PRKCE: variants seen among roughly 807,000 people sequenced by gnomAD.
PRKCE encodes the protein protein kinase C epsilon, also known as protein kinase C epsilon type.
In PRKCE, 16 loss-of-function variants were observed where a neutral mutation model predicts 85.4. That is an observed-to-expected ratio of 0.19 (90% CI 0.13 to 0.28). The LOEUF is 0.28. PRKCE is among the 10% of genes least tolerant of loss of function. PRKCE has a pLI of 1.00. For missense variants in PRKCE, 573 were observed against 975.2 expected (o/e 0.59, Z 5.49); for synonymous variants, 388 against 371.5 (o/e 1.04, Z -0.51).
intron 10 of PRKCE, among the ~76,000 whole-genome samples, chr2:46,045,973 A>G (rs1708499159): frequency 6.6e-6 from 1 of 152,224 alleles, no homozygotes; most frequent in South Asian, 2.1e-4. Flanking sequence ...GAACTGAGTC[A>G]GCAGGTGAGA....
At chr2:45,949,574 C>CATAGTTGGTGTTTGCTTT (rs1700481356) in intron 2 of PRKCE, among the ~76,000 whole-genome samples, 1 of 151,546 alleles carries the variant, frequency 6.6e-6, no homozygotes, top group Non-Finnish European at 1.5e-5. Flanking sequence ...TTTTAATGAT[C>CATAGTTGGTGTTTGCTTT]ATAGTTGGTG....
chr2:45,798,900 G>A (rs1439387976), intron 1 of PRKCE, among the ~76,000 whole-genome samples: 1 of 151,940 alleles, frequency 6.6e-6, no homozygotes, highest in Non-Finnish European at 1.5e-5. Context: ...GGGCACGGTG[G>A]CTCACGCCTA....
intron 2 of PRKCE, among the ~76,000 whole-genome samples, chr2:45,928,910 G>A (rs1250354669): frequency 6.6e-6 from 1 of 152,178 alleles, no homozygotes; most frequent in African/African-American, 2.4e-5. Context: ...GGGAGTCTGG[G>A]GGCCCCTCTG....
At chr2:45,737,064 C>T (rs1682130686) in intron 1 of PRKCE, among the ~76,000 whole-genome samples, 1 of 152,160 alleles carries the variant, frequency 6.6e-6, no homozygotes, top group African/African-American at 2.4e-5. Flanking sequence ...TGTGTGCTGT[C>T]AGGCCCCACA....
chr2:45,741,004 C>A (rs1440652385), intron 1 of PRKCE, among the ~76,000 whole-genome samples: 1 of 152,188 alleles, frequency 6.6e-6, no homozygotes, highest in African/African-American at 2.4e-5. Flanking sequence ...ATATAAGATG[C>A]AAACACTTTT....
chr2:45,722,047 A>G (rs1280702750), intron 1 of PRKCE, among the ~76,000 whole-genome samples: 2 of 152,038 alleles, frequency 1.3e-5, no homozygotes, highest in African/African-American at 2.4e-5. Flanking sequence ...GGGTACACCT[A>G]TCCATATTTA....
chr2:45,656,036 T>A (rs773952755), intron 1 of PRKCE, among the ~76,000 whole-genome samples: 5 of 152,066 alleles, frequency 3.3e-5, no homozygotes, highest in African/African-American at 7.2e-5. Flanking sequence ...GGTTGGAGAA[T>A]GGATGAGCAG....
At chr2:46,144,838 A>G (rs1310698179) in intron 11 of PRKCE, among the ~76,000 whole-genome samples, 1 of 152,178 alleles carries the variant, frequency 6.6e-6, no homozygotes, top group African/African-American at 2.4e-5. Context: ...ACTTAGCTCT[A>G]TTAAACCACA....
chr2:45,776,911 C>T (rs1409904227), intron 1 of PRKCE, among the ~76,000 whole-genome samples: 1 of 152,184 alleles, frequency 6.6e-6, no homozygotes, highest in Non-Finnish European at 1.5e-5. Context: ...CAAGGAATCA[C>T]CCCAGCCTTA....
intron 1 of PRKCE, among the ~76,000 whole-genome samples, chr2:45,679,126 A>G (rs1176459819): frequency 1.3e-5 from 2 of 152,236 alleles, no homozygotes; most frequent in Non-Finnish European, 2.9e-5. Flanking sequence ...GAAGCCAGTC[A>G]TGGAAAATTT....
At chr2:45,951,278 C>T (rs1006020942) in intron 2 of PRKCE, among the ~76,000 whole-genome samples, 2 of 152,192 alleles carry the variant, frequency 1.3e-5, no homozygotes, top group Admixed American at 6.5e-5. Context: ...CTGCTTTAGA[C>T]AACTTTAACC....
intron 2 of PRKCE, among the ~76,000 whole-genome samples, chr2:45,880,784 A>G (rs966080363): frequency 6.6e-6 from 1 of 152,186 alleles, no homozygotes; most frequent in African/African-American, 2.4e-5. Context: ...ATTAAGAAAC[A>G]CTACTTGTCA....
At chr2:45,938,764 A>ATATT (rs1699665088) in intron 2 of PRKCE, among the ~76,000 whole-genome samples, 1 of 152,204 alleles carries the variant, frequency 6.6e-6, no homozygotes, top group African/African-American at 2.4e-5. Context: ...GAGAAAGCTT[A>ATATT]TATTTACAAA....
intron 11 of PRKCE, among the ~76,000 whole-genome samples, chr2:46,099,001 T>C (rs1193856336): frequency 6.6e-6 from 1 of 152,160 alleles, no homozygotes; most frequent in Non-Finnish European, 1.5e-5. Context: ...TTGGCTTTGC[T>C]TCCCTCTGGT....
intron 1 of PRKCE, among the ~76,000 whole-genome samples, chr2:45,734,442 G>A (rs999680337): frequency 1.1e-4 from 16 of 152,144 alleles, no homozygotes; most frequent in African/African-American, 3.9e-4. Context: ...AATGCTTGCA[G>A]TCCTGAAAGA....
At chr2:46,047,099 C>T (rs1051549994) in intron 10 of PRKCE, among the ~76,000 whole-genome samples, 2 of 152,130 alleles carry the variant, frequency 1.3e-5, no homozygotes, top group African/African-American at 4.8e-5. Context: ...GGCAGGAATC[C>T]AATGGCATCT....
intron 1 of PRKCE, among the ~76,000 whole-genome samples, chr2:45,659,312 G>C (rs1675526586): frequency 6.6e-6 from 1 of 152,148 alleles, no homozygotes; most frequent in Admixed American, 6.5e-5. Context: ...GTAATTCTCA[G>C]GTGCCCCATA....
At chr2:46,079,069 C>T (rs1251439403) in intron 10 of PRKCE, among the ~76,000 whole-genome samples, 10 of 149,600 alleles carry the variant, frequency 6.7e-5, no homozygotes, top group Non-Finnish European at 1.2e-4. Context: ...CCCAGCTACC[C>T]GGGAGGCTGA....
intron 1 of PRKCE, among the ~76,000 whole-genome samples, chr2:45,762,627 G>A (rs946964975): frequency 1.2e-4 from 19 of 152,224 alleles, no homozygotes; most frequent in Non-Finnish European, 2.6e-4. Context: ...GATACATGGA[G>A]AGTGATTCTT....
Sources: allele counts gnomAD v4.1 joint callset (sites outside exome capture counted in the v4.1 genomes callset), GRCh38; gene constraint gnomAD v4.1.1; transcripts MANE v1.5; gene names NCBI Gene and HGNC (gene_info 2026-07-23, HGNC 2026-07-21).